Variants in PIP5K1B observed in about 807,000 individuals in gnomAD.
PIP5K1B encodes phosphatidylinositol 4-phosphate 5-kinase type-1 beta.
In PIP5K1B, 42 loss-of-function variants were observed where a neutral mutation model predicts 67.0. That is an observed-to-expected ratio of 0.63 (90% CI 0.49 to 0.81). The LOEUF is 0.81. Ranked by LOEUF, PIP5K1B falls within the 30% of genes least tolerant of loss-of-function variation. The pLI is 0.00. For synonymous variants in PIP5K1B, 214 were observed against 231.4 expected, an observed-to-expected ratio of 0.92 and a Z score of 0.68; for missense variants, 459 against 646.3, an observed-to-expected ratio of 0.71 and a Z score of 3.14.
chr9:68,908,984 A>G (rs1203811012), intron 8 of PIP5K1B, among the ~76,000 whole-genome samples: 1 of 152,216 alleles, frequency 6.6e-6, no homozygotes, highest in Non-Finnish European at 1.5e-5. Context: ...CAGATCTTCC[A>G]TCAAAGATTG....
chr9:68,734,687 GTCTATACAA>G (rs2132298958), intron 1 of PIP5K1B, among the ~76,000 whole-genome samples: 2 of 152,288 alleles, frequency 1.3e-5, no homozygotes, highest in South Asian at 4.1e-4. Flanking sequence ...TGTCCCTCCA[GTCTATACAA>G]AAGGGAGAAA....
chr9:68,814,681 G>A (rs930410243), intron 2 of PIP5K1B, among the ~76,000 whole-genome samples: 1 of 152,060 alleles, frequency 6.6e-6, no homozygotes, highest in African/African-American at 2.4e-5. Flanking sequence ...TTAGCCAGGT[G>A]TGGTGGCGTG....
At chr9:69,003,033 T>A (rs1417080181) in intron 15 of PIP5K1B, among the ~76,000 whole-genome samples, 1 of 151,716 alleles carries the variant, frequency 6.6e-6, no homozygotes, top group Non-Finnish European at 1.5e-5. Flanking sequence ...AGAAATCGGG[T>A]GAACCCAGAG....
chr9:68,921,967 A>G (rs537658700), intron 11 of PIP5K1B, among the ~76,000 whole-genome samples: 3 of 152,224 alleles, frequency 2.0e-5, no homozygotes, highest in Admixed American at 2.0e-4. Context: ...GTTTTCAGAC[A>G]TGGCTCTTAC....
chr9:68,994,833 C>T (rs953646201), intron 15 of PIP5K1B, among the ~76,000 whole-genome samples: 5 of 152,108 alleles, frequency 3.3e-5, no homozygotes, highest in African/African-American at 1.2e-4. Context: ...TCAGTTTTCT[C>T]ATCTATAAAA....
At chr9:68,732,102 C>G (rs532937147) in intron 1 of PIP5K1B, among the ~76,000 whole-genome samples, 1 of 152,204 alleles carries the variant, frequency 6.6e-6, no homozygotes, top group East Asian at 1.9e-4. Flanking sequence ...GCTAGCCACT[C>G]CTGAAATTCT....
chr9:68,942,670 C>T lies in PIP5K1B; in HGVS notation c.1502+1880C>T, dbSNP rs191846494. On this transcript the variant is annotated intron_variant, in intron 14 of 15. Coordinates refer to ENST00000265382, the MANE Select transcript of PIP5K1B (RefSeq NM_003558.4). ...TCATTCTTGATGCTTTTATTTACAC[C>T]GATACTGACTAGCATATAGATTTGG... Among the ~76,000 whole-genome samples the T allele has an allele frequency of 1.2e-4, 18 of 152,074 alleles. No individual in the cohort carries two copies. In the East Asian group the frequency reaches 1.9e-3, roughly 16 times the overall value.
intron 5 of PIP5K1B, among the ~76,000 whole-genome samples, chr9:68,874,628 A>G (rs1029216271): frequency 1.3e-5 from 2 of 152,234 alleles, no homozygotes; most frequent in African/African-American, 4.8e-5. Context: ...TAAATGCAGC[A>G]TCCTCTCTGA....
At chr9:68,916,582 A>T (rs1239561609) in intron 8 of PIP5K1B, among the ~76,000 whole-genome samples, 2 of 152,080 alleles carry the variant, frequency 1.3e-5, no homozygotes, top group Non-Finnish European at 2.9e-5. Context: ...TTCGAAAGAC[A>T]GACTTTGAGG....
chr9:68,807,552 T>G (rs1224023527), intron 2 of PIP5K1B, among the ~76,000 whole-genome samples: 1 of 152,174 alleles, frequency 6.6e-6, no homozygotes, highest in African/African-American at 2.4e-5. Context: ...TCTTTGTATT[T>G]GGGGCATATA....
chr9:68,765,273 A>C (rs1830374905), intron 2 of PIP5K1B, among the ~76,000 whole-genome samples: 1 of 152,138 alleles, frequency 6.6e-6, no homozygotes. Context: ...TGCCACTAGT[A>C]ACATTTTAAT....
intron 3 of PIP5K1B, among the ~76,000 whole-genome samples, chr9:68,822,135 A>G (rs72717949): frequency 5.3e-5 from 8 of 152,314 alleles, no homozygotes; most frequent in African/African-American, 9.6e-5. Context: ...TACAGTGAGC[A>G]TGCATAACCA....
intron 2 of PIP5K1B, among the ~76,000 whole-genome samples, chr9:68,797,811 C>CTGTTT (rs1308112484): frequency 2.2e-5 from 3 of 135,354 alleles, no homozygotes; most frequent in African/African-American, 3.1e-5. Flanking sequence ...ATCACTGTGC[C>CTGTTT]CGTTTTGTTT....
chr9:68,831,698 G>A (rs187276017), intron 4 of PIP5K1B, among the ~76,000 whole-genome samples: 570 of 151,464 alleles, frequency 3.8e-3, no homozygotes, highest in Non-Finnish European at 5.4e-3. Context: ...TTTTTTTGAC[G>A]GAGTTTTGCT....
intron 14 of PIP5K1B, among the ~76,000 whole-genome samples, chr9:68,967,637 G>A (rs1284575463): frequency 6.6e-6 from 1 of 152,172 alleles, no homozygotes; most frequent in African/African-American, 2.4e-5. Flanking sequence ...CTGCTACAGG[G>A]TGAGAATCCA....
At chr9:68,738,650 T>C (rs1828858265) in intron 1 of PIP5K1B, among the ~76,000 whole-genome samples, 1 of 152,208 alleles carries the variant, frequency 6.6e-6, no homozygotes, top group East Asian at 1.9e-4. Context: ...CAGTACAACT[T>C]GATTCTCATG....
At chr9:69,006,595 C>T (rs1015453584) in intron 15 of PIP5K1B, among the ~76,000 whole-genome samples, 10 of 152,162 alleles carry the variant, frequency 6.6e-5, no homozygotes, top group African/African-American at 2.4e-4. Flanking sequence ...TATGCCCTGT[C>T]TCTACCTCTC....
At chr9:68,925,056 C>T (rs11144354) in intron 12 of PIP5K1B, among the ~76,000 whole-genome samples, 1 of 151,904 alleles carries the variant, frequency 6.6e-6, no homozygotes, top group South Asian at 2.1e-4. Flanking sequence ...TTTTTCATAT[C>T]ATTGTATATT....
Position 68,908,450 on chromosome 9 carries a change from C to T in PIP5K1B, c.772-9098C>T, listed in dbSNP as rs148357130. Among the ~76,000 whole-genome samples the T allele has an allele frequency of 1.4e-3, 215 of 150,126 alleles. 1 individual carries two copies. Among genetic ancestry groups the T allele is most frequent in the African/African-American group, 5.1e-3 (209 of 40,952 alleles). On this transcript the variant is annotated intron_variant, in intron 8 of 15. Coordinates refer to ENST00000265382, the MANE Select transcript of PIP5K1B (RefSeq NM_003558.4). ...TTTTTAAGTGTGGAAAAAAAAAAAG[C>T]CTTGGTACAGGTTAATCCAGTACAG...
Sources: allele counts gnomAD v4.1 joint callset (sites outside exome capture counted in the v4.1 genomes callset), GRCh38; gene constraint gnomAD v4.1.1; transcripts MANE v1.5; gene names NCBI Gene and HGNC (gene_info 2026-07-23, HGNC 2026-07-21).